The following FMN1 variants were observed in gnomAD, a reference collection of about 807,000 sequenced individuals.
The protein encoded by FMN1 is formin 1.
A neutral mutation model predicts 132.4 loss-of-function variants in FMN1; 110 were observed. The ratio of observed to expected loss-of-function variants is 0.83; its 90% confidence interval spans 0.71 to 0.97. FMN1 has a LOEUF of 0.97. FMN1 is among the 50% of genes least tolerant of loss of function. The pLI is 0.00. For missense variants in FMN1, 1,792 were observed against 1,705.3 expected (o/e 1.05, Z -0.90); for synonymous variants, 722 against 651.7 (o/e 1.11, Z -1.64).
At chr15:32,798,324 G>C (rs1202704748) in intron 19 of FMN1, among the ~76,000 whole-genome samples, 1 of 152,174 alleles carries the variant, frequency 6.6e-6, no homozygotes, top group Non-Finnish European at 1.5e-5. Flanking sequence ...GCAGGATACA[G>C]GGAGTCAGAA....
At chr15:32,965,615 A>G (rs1028146971) in intron 8 of FMN1, among the ~76,000 whole-genome samples, 1 of 152,196 alleles carries the variant, frequency 6.6e-6, no homozygotes, top group Non-Finnish European at 1.5e-5. Context: ...TTGGTATTTA[A>G]AACAGTTGGC....
chr15:32,956,243 G>C (rs1226164115), intron 9 of FMN1, among the ~76,000 whole-genome samples: 3 of 152,022 alleles, frequency 2.0e-5, no homozygotes, highest in Non-Finnish European at 2.9e-5. Flanking sequence ...CACAAATCCA[G>C]ATCAAGTTAC....
intron 6 of FMN1, among the ~76,000 whole-genome samples, chr15:33,024,714 C>CT (rs2035586757): frequency 6.6e-6 from 1 of 152,152 alleles, no homozygotes; most frequent in Non-Finnish European, 1.5e-5. Context: ...AAATTCTACT[C>CT]TAATGTTCAT....
chr15:33,048,638 A>AAAAAAAAAAAAAAAAAAAAAAC (rs1596550336), intron 6 of FMN1, among the ~76,000 whole-genome samples: 2 of 21,492 alleles, frequency 9.3e-5, no homozygotes, highest in Non-Finnish European at 1.5e-4. Context: ...TACCAAAAAA[A>AAAAAAAAAAAAAAAAAAAAAAC]AAAAAAAAAA....
intron 16 of FMN1, among the ~76,000 whole-genome samples, chr15:32,880,199 C>G (rs1488558278): frequency 1.3e-5 from 2 of 152,188 alleles, no homozygotes; most frequent in East Asian, 3.9e-4. Flanking sequence ...TATGACTTTG[C>G]AAAAACAACT....
intron 4 of FMN1, among the ~76,000 whole-genome samples, chr15:33,128,030 C>T (rs995911558): frequency 6.6e-6 from 1 of 151,956 alleles, no homozygotes; most frequent in Non-Finnish European, 1.5e-5. Flanking sequence ...TAGCAGAATG[C>T]CCAGACACGA....
Position 32,950,022 on chromosome 15 carries a change from T to TAC in FMN1, c.3138+14084_3138+14085insGT, listed in dbSNP as rs1188454210. ...ACATACACATATATATATACACATA[T>TAC]ATATATATATACACATATATATATA... On this transcript the variant is annotated intron_variant, in intron 9 of 20. Transcript: ENST00000616417. 8.9e-4 allele frequency among the ~76,000 whole-genome samples: 3 copies of TAC among 3,362 alleles called. 1 individual carries two copies. The highest frequency in any genetic ancestry group is 1.6e-3 in the African/African-American group (3 of 1,854). The allele number at this position is 3,362 out of a possible 152,430, so 2.2% of individuals were successfully genotyped here.
At chr15:32,982,212 G>C (rs1317195498) in intron 7 of FMN1, among the ~76,000 whole-genome samples, 1 of 152,128 alleles carries the variant, frequency 6.6e-6, no homozygotes, top group Non-Finnish European at 1.5e-5. Context: ...ACGCCTATTA[G>C]GAGGAGGGAG....
At chr15:32,910,366 T>C (rs2060528291) in intron 11 of FMN1, 108 bp downstream of exon 11, 2 of 875,848 alleles carry the variant, frequency 2.3e-6, no homozygotes, top group Non-Finnish European at 3.7e-6. Context: ...CTTAATCTCT[T>C]CCAGGCCACG....
At chr15:32,823,037 G>A (rs2058261950) in intron 17 of FMN1, among the ~76,000 whole-genome samples, 1 of 151,838 alleles carries the variant, frequency 6.6e-6, no homozygotes, top group Non-Finnish European at 1.5e-5. Flanking sequence ...AGGGCAGAAT[G>A]TTCCATGGGG....
At chr15:32,891,725 C>T (rs754314310) in intron 15 of FMN1, among the ~76,000 whole-genome samples, 11 of 152,124 alleles carry the variant, frequency 7.2e-5, no homozygotes, top group South Asian at 2.1e-4. Flanking sequence ...CGGTTTCTTT[C>T]AGCAATATTT....
chr15:32,776,980 A>G lies in FMN1; in HGVS notation c.4131-61T>C, dbSNP rs1195637679. The G allele has an allele frequency of 3.0e-6, 3 of 1,014,010 alleles. No individual in the cohort carries two copies. In the East Asian group the frequency reaches 7.8e-5, roughly 26 times the overall value. 62.8% of individuals were successfully genotyped at this position (1,014,010 alleles called of 1,614,324 possible). ...GGAAAAGAAAGGAAGAGGGAAAAGG[A>G]AAGAAGAAAAGAGTTAAGGCAGGTT... On this transcript the variant is annotated intron_variant, in intron 19 of 20. Coordinates refer to ENST00000616417, the MANE Select transcript of FMN1 (RefSeq NM_001277313.2).
At chr15:32,992,693 T>C (rs553622032) in intron 7 of FMN1, among the ~76,000 whole-genome samples, 2 of 152,206 alleles carry the variant, frequency 1.3e-5, no homozygotes, top group Non-Finnish European at 2.9e-5. Flanking sequence ...CCTGTGTGTA[T>C]GTGCAATATC....
chr15:32,837,935 T>C lies in FMN1; in HGVS notation c.3928+19080A>G, dbSNP rs557480868. ...AAGACTATCATTTCCACAGTCCTCATGCTGAATGGATCCCAAGTGCTATTG... is the reference window on the plus strand; with the variant it reads ...AAGACTATCATTTCCACAGTCCTCACGCTGAATGGATCCCAAGTGCTATTG... On this transcript the variant is annotated intron_variant, in intron 17 of 20. Coordinates refer to ENST00000616417, the MANE Select transcript of FMN1 (RefSeq NM_001277313.2). 6.6e-5 allele frequency among the ~76,000 whole-genome samples: 10 copies of C among 152,306 alleles called. No homozygotes were observed. In the South Asian group the frequency reaches 1.9e-3, roughly 28 times the overall value.
chr15:32,893,909 G>C (rs1437152859), intron 15 of FMN1, among the ~76,000 whole-genome samples: 1 of 152,154 alleles, frequency 6.6e-6, no homozygotes, highest in African/African-American at 2.4e-5. Flanking sequence ...CAATAAATCT[G>C]CCCATGCCAA....
At chr15:33,122,436 T>C (rs1443059578) in intron 4 of FMN1, among the ~76,000 whole-genome samples, 1 of 152,188 alleles carries the variant, frequency 6.6e-6, no homozygotes, top group African/African-American at 2.4e-5. Flanking sequence ...TTTTATAAAA[T>C]TAGTATTGGC....
At chr15:32,895,915 T>G (rs1159239036) in intron 15 of FMN1, among the ~76,000 whole-genome samples, 1 of 152,148 alleles carries the variant, frequency 6.6e-6, no homozygotes, top group Non-Finnish European at 1.5e-5. Flanking sequence ...TTCTCACCTT[T>G]TATGGTTTGT....
At chr15:32,988,982 G>A (rs1286818791) in intron 7 of FMN1, among the ~76,000 whole-genome samples, 1 of 152,192 alleles carries the variant, frequency 6.6e-6, no homozygotes, top group Non-Finnish European at 1.5e-5. Flanking sequence ...GTCAGAAACA[G>A]TAAATGTCAT....
intron 16 of FMN1, among the ~76,000 whole-genome samples, chr15:32,877,456 T>G (rs1347812094): frequency 2.0e-5 from 3 of 152,202 alleles, no homozygotes; most frequent in Non-Finnish European, 4.4e-5. Context: ...TCAGAATTCC[T>G]AGGATTTTTC....
Sources: allele counts gnomAD v4.1 joint callset (sites outside exome capture counted in the v4.1 genomes callset), GRCh38; gene constraint gnomAD v4.1.1; transcripts MANE v1.5; gene names NCBI Gene and HGNC (gene_info 2026-07-23, HGNC 2026-07-21).